Variants in CDH8 observed in about 807,000 individuals in gnomAD.
CDH8 encodes the protein cadherin-8.
A neutral mutation model predicts 68.1 loss-of-function variants in CDH8; 17 were observed. The observed-to-expected ratio is 0.25, with a 90% confidence interval of 0.17 to 0.37. CDH8 has a LOEUF of 0.37. Ranked by LOEUF, CDH8 falls within the 10% of genes least tolerant of loss-of-function variation. The pLI is 1.00. For synonymous variants in CDH8, 372 were observed against 365.1 expected, an observed-to-expected ratio of 1.02 and a Z score of -0.21; for missense variants, 763 against 999.3, an observed-to-expected ratio of 0.76 and a Z score of 3.19.
chr16:61,718,349 T>C (rs1959194370), intron 9 of CDH8, among the ~76,000 whole-genome samples: 1 of 151,438 alleles, frequency 6.6e-6, no homozygotes, highest in South Asian at 2.1e-4. Context: ...ACTTTTGGAA[T>C]ATTTTCCAAG....
intron 7 of CDH8, among the ~76,000 whole-genome samples, 182 bp from the exon 8 acceptor site, chr16:61,789,664 T>C (rs963534268): frequency 1.3e-5 from 2 of 152,110 alleles, no homozygotes; most frequent in African/African-American, 4.8e-5. Context: ...TAGTAATTAT[T>C]GTCCAAGGAG....
intron 4 of CDH8, among the ~76,000 whole-genome samples, chr16:61,853,400 G>C (rs1341559209): frequency 1.3e-5 from 2 of 152,094 alleles, no homozygotes; most frequent in African/African-American, 2.4e-5. Context: ...GCAAAGAAGA[G>C]CTGACAGTGG....
At chr16:61,703,223 A>T (rs1204553417) in intron 10 of CDH8, among the ~76,000 whole-genome samples, 2 of 152,170 alleles carry the variant, frequency 1.3e-5, no homozygotes, top group Non-Finnish European at 2.9e-5. Context: ...TACATTGTAG[A>T]ATACGTATTT....
rs543919070 is a variant in CDH8, at chr16:61,875,674, C to T, written c.548-18436G>A. ...GAAAAGTTTTCCTCTCCTATATATG[C>T]TTCAAGGTTCACAGAAAGTACTATG... On this transcript the variant is annotated intron_variant, in intron 3 of 11. Coordinates refer to ENST00000577390, the MANE Select transcript of CDH8 (RefSeq NM_001796.5). Among the ~76,000 whole-genome samples, 288 of 152,240 alleles carry T rather than the reference C, an allele frequency of 1.9e-3. 3 individuals are homozygous for T. Among genetic ancestry groups the T allele is most frequent in the African/African-American group, 6.8e-3 (282 of 41,536 alleles).
chr16:61,779,464 T>TGTGTGTGTGTGC lies in CDH8; in HGVS notation c.1414+9881_1414+9882insGCACACACACAC, dbSNP rs796315669. 1.8e-4 allele frequency among the ~76,000 whole-genome samples: 26 copies of TGTGTGTGTGTGC among 141,536 alleles called. No homozygotes were observed. In the South Asian group the frequency reaches 1.9e-3, roughly 10 times the overall value. The allele number at this position is 141,536 out of a possible 152,430, so 92.9% of individuals were successfully genotyped here. On this transcript the variant is annotated intron_variant, in intron 8 of 11. Coordinates refer to ENST00000577390, the MANE Select transcript of CDH8 (RefSeq NM_001796.5). ...GTGTGTGTGTGTGTGTGTGTGTGTG[T>TGTGTGTGTGTGC]GCGCGCATGGTGAGGGAAACAAGGA...
At chr16:61,985,156 A>G (rs192028724) in intron 2 of CDH8, among the ~76,000 whole-genome samples, 101 of 151,130 alleles carry the variant, frequency 6.7e-4, no homozygotes, top group Admixed American at 4.4e-3. Context: ...GATCTTTGCT[A>G]TATCCTCTGT....
chr16:61,726,929 T>A, intron 9 of CDH8, 165 bp downstream of exon 9: 1 of 699,318 alleles, frequency 1.4e-6, no homozygotes, highest in Non-Finnish European at 2.4e-6. Context: ...AGAAATAACA[T>A]CTGATGGAGA....
intron 10 of CDH8, among the ~76,000 whole-genome samples, chr16:61,658,680 T>C (rs907151698): frequency 2.6e-5 from 4 of 152,122 alleles, no homozygotes; most frequent in Non-Finnish European, 4.4e-5. Flanking sequence ...CATTTTCTCA[T>C]ACCGTGTTCT....
At chr16:61,709,430 G>T (rs1964588613) in intron 10 of CDH8, among the ~76,000 whole-genome samples, 1 of 152,130 alleles carries the variant, frequency 6.6e-6, no homozygotes, top group Admixed American at 6.5e-5. Context: ...CAGAGCATTA[G>T]CTCTGGCTGG....
chr16:61,825,387 A>T (rs1962308511), intron 4 of CDH8, among the ~76,000 whole-genome samples: 1 of 151,896 alleles, frequency 6.6e-6, no homozygotes, highest in Non-Finnish European at 1.5e-5. Flanking sequence ...AATTTGCAAA[A>T]ATATATTTTA....
chr16:61,865,169 A>T (rs1344865), intron 3 of CDH8, among the ~76,000 whole-genome samples: 6 of 152,114 alleles, frequency 3.9e-5, no homozygotes, highest in Non-Finnish European at 5.9e-5. Flanking sequence ...TCTTAACTGC[A>T]GTCAGGCGGA....
intron 2 of CDH8, among the ~76,000 whole-genome samples, chr16:62,017,110 A>C (rs1901960410): frequency 6.6e-6 from 1 of 152,138 alleles, no homozygotes; most frequent in African/African-American, 2.4e-5. Context: ...TAAATTATTC[A>C]TTTATTTTTT....
chr16:61,768,160 TA>T, intron 8 of CDH8, among the ~76,000 whole-genome samples: 1 of 152,080 alleles, frequency 6.6e-6, no homozygotes, highest in African/African-American at 2.4e-5. Flanking sequence ...TTGAATAAAA[TA>T]ATCACCAAGT....
At chr16:61,880,114 C>G (rs1028141477) in intron 3 of CDH8, among the ~76,000 whole-genome samples, 9 of 152,002 alleles carry the variant, frequency 5.9e-5, no homozygotes, top group Non-Finnish European at 7.4e-5. Flanking sequence ...TTAGTAGAGA[C>G]AGGGTTTCAC....
intron 4 of CDH8, among the ~76,000 whole-genome samples, chr16:61,830,994 G>A (rs1007252244): frequency 2.0e-5 from 3 of 151,798 alleles, no homozygotes; most frequent in Non-Finnish European, 2.9e-5. Context: ...GACTAACACA[G>A]AACATCCCTG....
At chr16:61,712,545 T>TA (rs1771774957) in intron 10 of CDH8, among the ~76,000 whole-genome samples, 1 of 151,722 alleles carries the variant, frequency 6.6e-6, no homozygotes, top group South Asian at 2.1e-4. Flanking sequence ...TTGGGGTTTC[T>TA]AAGGAGGCTT....
chr16:61,841,087 ACTTT>A (rs1962674187), intron 4 of CDH8, among the ~76,000 whole-genome samples: 1 of 152,150 alleles, frequency 6.6e-6, no homozygotes, highest in Admixed American at 6.6e-5. Flanking sequence ...TATCTACTAC[ACTTT>A]CTTTGTCCAT....
intron 6 of CDH8, among the ~76,000 whole-genome samples, chr16:61,820,667 C>A (rs1962193700): frequency 6.6e-6 from 1 of 151,984 alleles, no homozygotes; most frequent in East Asian, 2.0e-4. Context: ...CAGTAAATTC[C>A]TGTGGTTATG....
chr16:61,771,132 C>T lies in CDH8; in HGVS notation c.1414+18214G>A, dbSNP rs1960766705. ...CTTTTAAAATCCATGTCTAACCAATCATTTTTAATAGGTATCCAGATATTC... is the reference window on the plus strand; with the variant it reads ...CTTTTAAAATCCATGTCTAACCAATTATTTTTAATAGGTATCCAGATATTC... On this transcript the variant is annotated intron_variant, in intron 8 of 11. Coordinates refer to ENST00000577390, the MANE Select transcript of CDH8 (RefSeq NM_001796.5). Among the ~76,000 whole-genome samples the T allele has an allele frequency of 3.3e-5, 5 of 151,950 alleles. No homozygotes were observed. The South Asian group carries it at 1.0e-3, about 31-fold the overall frequency.
Sources: allele counts gnomAD v4.1 joint callset (sites outside exome capture counted in the v4.1 genomes callset), GRCh38; gene constraint gnomAD v4.1.1; transcripts MANE v1.5; gene names NCBI Gene and HGNC (gene_info 2026-07-23, HGNC 2026-07-21).